The following NAV1 variants were observed in gnomAD, a reference collection of about 807,000 sequenced individuals.
NAV1 encodes the protein neuron navigator 1.
In NAV1, 18 loss-of-function variants were observed where a neutral mutation model predicts 175.2. The ratio of observed to expected loss-of-function variants is 0.10; its 90% CI spans 0.07 to 0.15. NAV1 has a LOEUF of 0.15. NAV1 is among the 10% of genes least tolerant of loss of function. NAV1 has a pLI of 1.00. For synonymous variants in NAV1, 897 were observed against 978.7 expected (o/e 0.92, Z 1.56); for missense variants, 1,731 against 2,436.6 (o/e 0.71, Z 6.10).
At chr1:201,745,185 C>T (rs1280267669) in intron 3 of NAV1, among the ~76,000 whole-genome samples, 1 of 152,108 alleles carries the variant, frequency 6.6e-6, no homozygotes, top group African/African-American at 2.4e-5. Flanking sequence ...AAACCTTTAT[C>T]CCATAAAGGC....
At chr1:201,716,327 TTTTACTCACACATCCATCGTGGG>T (rs1347705505) in intron 2 of NAV1, among the ~76,000 whole-genome samples, 1 of 152,192 alleles carries the variant, frequency 6.6e-6, no homozygotes, top group Non-Finnish European at 1.5e-5. Flanking sequence ...CTTCCTTGCT[TTTTACTCACACATCCATCGTGGG>T]TTTGCTCCTC....
chr1:201,800,228 T>G (rs1677763016), intron 15 of NAV1, among the ~76,000 whole-genome samples: 1 of 152,222 alleles, frequency 6.6e-6, no homozygotes, highest in East Asian at 1.9e-4. Flanking sequence ...CTCAAACTCC[T>G]GGACTCAAGC....
intron 17 of NAV1, among the ~76,000 whole-genome samples, chr1:201,805,682 G>A (rs1276922299): frequency 6.6e-6 from 1 of 152,148 alleles, no homozygotes; most frequent in Non-Finnish European, 1.5e-5. Flanking sequence ...CAGAACTTTG[G>A]GAGGCTGAGG....
intron 1 of NAV1, among the ~76,000 whole-genome samples, chr1:201,561,584 C>G (rs1666200961): frequency 6.6e-6 from 1 of 152,210 alleles, no homozygotes; most frequent in African/African-American, 2.4e-5. Context: ...CCTTCACTTC[C>G]ATTATCCATG....
intron 1 of NAV1, among the ~76,000 whole-genome samples, chr1:201,629,155 G>A (rs1466078569): frequency 6.6e-6 from 1 of 152,176 alleles, no homozygotes; most frequent in African/African-American, 2.4e-5. Flanking sequence ...AATGTCAAGG[G>A]GTGACAAGCA....
intron 2 of NAV1, among the ~76,000 whole-genome samples, chr1:201,600,190 C>T (rs1004945565): frequency 2.6e-5 from 4 of 152,210 alleles, no homozygotes; most frequent in African/African-American, 9.6e-5. Flanking sequence ...CAGAGAAAAG[C>T]CCCAAAGGAG....
chr1:201,784,696 C>G (rs1676590395), intron 7 of NAV1, among the ~76,000 whole-genome samples: 1 of 151,752 alleles, frequency 6.6e-6, no homozygotes, highest in African/African-American at 2.4e-5. Context: ...GCCACTGTCC[C>G]TAGTGCCATA....
At chr1:201,729,084 C>T (rs1672735335) in intron 3 of NAV1, among the ~76,000 whole-genome samples, 1 of 152,220 alleles carries the variant, frequency 6.6e-6, no homozygotes, top group Non-Finnish European at 1.5e-5. Flanking sequence ...CCCACCAGCT[C>T]TGCCCACCTG....
At chr1:201,688,409 A>G (rs1237788028) in intron 1 of NAV1, 1 of 152,242 alleles carries the variant, frequency 6.6e-6, no homozygotes, top group African/African-American at 2.4e-5. Context: ...GATGTTTTGA[A>G]GAATCTGTTG....
intron 2 of NAV1, among the ~76,000 whole-genome samples, chr1:201,629,747 G>C (rs1668433959): frequency 6.6e-6 from 1 of 152,190 alleles, no homozygotes; most frequent in Admixed American, 6.5e-5. Flanking sequence ...GGCTATGGGA[G>C]TCACTGCATG....
chr1:201,757,374 G>T (rs1334930962), intron 3 of NAV1, among the ~76,000 whole-genome samples: 1 of 152,024 alleles, frequency 6.6e-6, no homozygotes, highest in Non-Finnish European at 1.5e-5. Context: ...GGCTCAAGCT[G>T]TCTTCCTTTC....
At chr1:201,775,148 A>G (rs1000562194) in intron 3 of NAV1, among the ~76,000 whole-genome samples, 1 of 152,166 alleles carries the variant, frequency 6.6e-6, no homozygotes, top group Admixed American at 6.5e-5. Flanking sequence ...CCAAAGGGGG[A>G]GCCCTTTCCC....
At chr1:201,628,929 G>T (rs996719391) in intron 1 of NAV1, among the ~76,000 whole-genome samples, 1 of 152,210 alleles carries the variant, frequency 6.6e-6, no homozygotes, top group East Asian at 1.9e-4. Context: ...CCTGGACTAC[G>T]AGCAAGCCCA....
Position 201,709,144 on chromosome 1 carries a change from C to CAAAA in NAV1, c.758-3673_758-3672insAAAA, listed in dbSNP as rs112333135. 1.1e-3 allele frequency among the ~76,000 whole-genome samples: 133 copies of CAAAA among 117,378 alleles called. 3 individuals are homozygous for CAAAA. The highest frequency in any genetic ancestry group is 4.0e-3 in the African/African-American group (125 of 31,454). 77.0% of individuals were successfully genotyped at this position (117,378 alleles called of 152,430 possible). On this transcript the variant is annotated intron_variant, in intron 1 of 29. Transcript: ENST00000367296. Reference sequence around the variant, plus strand: ...CAGGAGACAGAGTAAGACCCTGTCTCCAAAAAAAAAAAAAAAACCATTGAA... The same window carrying CAAAA: ...CAGGAGACAGAGTAAGACCCTGTCTCAAAACAAAAAAAAAAAAAAAACCATTGAA...
Position 201,808,503 on chromosome 1 carries a change from C to T in NAV1, c.3931C>T (p.Arg1311Cys). Residue 1311 changes from arginine (R) to cysteine (C), a missense_variant, in exon 19 of 30, where the codon CGC becomes TGC. By Grantham distance (180) the Arg-to-Cys change is radical (BLOSUM62 -3). Transcript: ENST00000367296. This position sits in a 1 kb window ranked among gnomAD's most constrained non-coding sequence, Gnocchi z 5.5. ...AGAGAAGAAGGAGGTATCGGAGCTG[C>T]GCTCTGAGCTATGGGAGAAGGAAAT... 2.5e-6 allele frequency: 4 copies of T among 1,614,236 alleles called. No individual in the cohort carries two copies. Among genetic ancestry groups the T allele is most frequent in the Non-Finnish European group, 3.4e-6 (4 of 1,180,050 alleles).
At chr1:201,793,662 C>A in intron 13 of NAV1, 130 bp from the exon 18 acceptor site, 4 of 708,842 alleles carry the variant, frequency 5.6e-6, no homozygotes, top group Admixed American at 2.8e-5. Flanking sequence ...TTTTTTTAAC[C>A]ACCAAGAGGT....
At chr1:201,783,769 A>G (rs759774374) in exon 7 of NAV1, 1 of 1,613,638 alleles carries the variant, frequency 6.2e-7, no homozygotes, top group Non-Finnish European at 8.5e-7. Context: ...TCCCCACCCC[A>G]CCTGCTCCCC....
At chr1:201,574,223 C>T (rs372336958) in intron 1 of NAV1, among the ~76,000 whole-genome samples, 7 of 152,180 alleles carry the variant, frequency 4.6e-5, no homozygotes, top group African/African-American at 1.7e-4. Context: ...AAAAGTAATA[C>T]ACAACTTTCT....
Position 201,804,487 on chromosome 1 carries a change from A to T in NAV1, c.3640-2A>T. Reference sequence around the variant, plus strand: ...TGACTCCAAATCCCTATTTTTTTCCAGGTCTATGAGGTAAGAGACCCAGTT... The same window carrying T: ...TGACTCCAAATCCCTATTTTTTTCCTGGTCTATGAGGTAAGAGACCCAGTT... On this transcript the variant is annotated splice_acceptor_variant, in intron 16 of 29. Transcript: ENST00000367296. LOFTEE classifies it high-confidence loss of function. 2 of 1,541,752 alleles carry T rather than the reference A, an allele frequency of 1.3e-6. No homozygotes were observed. The highest frequency in any genetic ancestry group is 1.4e-5 in the African/African-American group (1 of 70,960).
Sources: allele counts gnomAD v4.1 joint callset (sites outside exome capture counted in the v4.1 genomes callset), GRCh38; gene constraint gnomAD v4.1.1; non-coding constraint Gnocchi (gnomAD v3.1); transcripts MANE v1.5; gene names NCBI Gene and HGNC (gene_info 2026-07-23, HGNC 2026-07-21).